Variants in CDR2 observed in about 807,000 individuals in gnomAD.
The protein encoded by CDR2 is cerebellar degeneration-related protein 2.
Under a neutral mutation model 48.4 loss-of-function variants are expected in CDR2, and 34 were observed. That is an observed-to-expected ratio of 0.70 (90% CI 0.53 to 0.94). The LOEUF (loss-of-function observed/expected upper bound fraction) is 0.94, where lower values mean the gene tolerates loss of function less well. CDR2 is among the 40% of genes least tolerant of loss of function. The pLI, the probability that CDR2 is intolerant of heterozygous loss-of-function variation, is 0.00. For synonymous variants in CDR2, 240 were observed against 219.7 expected (o/e 1.09, Z -0.82); for missense variants, 498 against 549.5 (o/e 0.91, Z 0.94).
intron 2 of CDR2, among the ~76,000 whole-genome samples, chr16:22,361,574 C>T (rs1567347788): frequency 6.6e-6 from 1 of 152,236 alleles, no homozygotes; most frequent in African/African-American, 2.4e-5. Flanking sequence ...CAAGGACAGT[C>T]TGTGGGAATC....
chr16:22,347,318 C>T lies in CDR2; in HGVS notation c.1012G>A (p.Val338Met). 2 of 1,614,260 alleles carry T rather than the reference C, an allele frequency of 1.2e-6. No individual in the cohort carries two copies. The highest frequency in any genetic ancestry group is 1.3e-5 in the African/African-American group (1 of 75,072). ...EETCIRRAKA[V>M]KQRGISLLHE... ...AGAAGGGAGATGCCCCTCTGTTTCACAGCCTTGGCCCTCCTGATGCAGGTC... is the reference window on the plus strand; with the variant it reads ...AGAAGGGAGATGCCCCTCTGTTTCATAGCCTTGGCCCTCCTGATGCAGGTC... Residue 338 changes from valine to methionine, a missense_variant, in exon 5 of 5, where the codon GTG (valine) becomes ATG (methionine). By Grantham distance (21) the Val-to-Met change is conservative (BLOSUM62 1). Transcript: ENST00000268383.
chr16:22,365,002 G>A lies in CDR2; in HGVS notation c.92C>T (p.Ala31Val), dbSNP rs2141851951. 1 of 1,607,162 alleles carries A rather than the reference G, an allele frequency of 6.2e-7. No individual in the cohort carries two copies. The change falls in exon 2 of 5, where the codon GCT becomes GTT. Residue 31 changes from alanine to valine, a missense_variant. Transcript: ENST00000268383. Reference sequence around the variant, plus strand: ...CAGTAATGTCTTCCCAAGCTCAGCAGCAAGTTGAAGATCTAGCACAACAAA... The same window carrying A: ...CAGTAATGTCTTCCCAAGCTCAGCAACAAGTTGAAGATCTAGCACAACAAA... ...HQDLQQDLQL[A>V]AELGKTLLDR...
chr16:22,347,278 G>C lies in CDR2; in HGVS notation c.1052C>G (p.Thr351Arg), dbSNP rs201093821. The C allele has an allele frequency of 1.3e-3, 2,136 of 1,614,204 alleles. 54 individuals carry two copies. In the South Asian group the frequency reaches 0.021, roughly 16 times the overall value. ...CTTCACCTTCAGGGCGCTGTACTGC[G>C]TGTCCACTTCGTGCAGAAGGGAGAT... ...RGISLLHEVD[T>R]QYSALKVKYE... is the part of the protein sequence containing the mutation. The change falls in exon 5 of 5, where the codon ACG becomes AGG. Residue 351 changes from threonine (T) to arginine (R), a missense_variant. Transcript: ENST00000268383.
At chr16:22,349,246 C>T in intron 4 of CDR2, 33 bp downstream of exon 4, 1 of 1,611,772 alleles carries the variant, frequency 6.2e-7, no homozygotes. Flanking sequence ...GAGACAGTCC[C>T]TGCTGTAACT....
At chr16:22,360,396 G>GT (rs553950245) in intron 2 of CDR2, among the ~76,000 whole-genome samples, 55 of 152,020 alleles carry the variant, frequency 3.6e-4, no homozygotes, top group Non-Finnish European at 7.2e-4. Flanking sequence ...GGAAATTTTT[G>GT]TTTTTTTCGT....
chr16:22,363,537 G>A (rs377212809), intron 2 of CDR2, among the ~76,000 whole-genome samples: 1 of 152,232 alleles, frequency 6.6e-6, no homozygotes, highest in African/African-American at 2.4e-5. Context: ...GAAGGACTGT[G>A]TAATTCTCCG....
chr16:22,372,656 TTTG>T (rs2049086152), intron 1 of CDR2, among the ~76,000 whole-genome samples: 1 of 152,084 alleles, frequency 6.6e-6, no homozygotes, highest in Non-Finnish European at 1.5e-5. Context: ...TGAAAACAGG[TTTG>T]TTAATATGTA....
chr16:22,359,325 C>A (rs1372766735), intron 2 of CDR2, among the ~76,000 whole-genome samples: 1 of 152,078 alleles, frequency 6.6e-6, no homozygotes, highest in Admixed American at 6.6e-5. Flanking sequence ...TGGGGTTTCG[C>A]CATCTTGGCC....
rs1166217152 is a variant in CDR2, at chr16:22,346,668, T to C, written c.*297A>G. 1 of 371,346 alleles carries C rather than the reference T, an allele frequency of 2.7e-6. No homozygotes were observed. The highest frequency in any genetic ancestry group is 4.9e-5 in the East Asian group (1 of 20,420). The allele number at this position is 371,346 out of a possible 1,614,324, so 23.0% of individuals were successfully genotyped here. A position where few individuals can be genotyped will look rare whatever the true frequency, so the allele number is the denominator to read the frequency against. ...CATACTGTAGTAACTCCAGGCCTAC[T>C]TCTCCAGAAGTATAGCTCTTCCCTC... On this transcript the variant is annotated 3_prime_UTR_variant, in exon 5 of 5. Transcript: ENST00000268383.
chr16:22,361,959 T>TGG lies in CDR2; in HGVS notation c.192+2941_192+2942dup, dbSNP rs574775620. On this transcript the variant is annotated intron_variant, in intron 2 of 4. Coordinates refer to ENST00000268383, the MANE Select transcript of CDR2 (RefSeq NM_001802.2). ...CTCTGTCACCCAGGCTGGAGTGCAG[T>TGG]GGCACGATCTCGGCTCACTGCAAGC... 2.5e-3 allele frequency among the ~76,000 whole-genome samples: 369 copies of TGG among 145,134 alleles called. 3 individuals are homozygous for TGG. Among genetic ancestry groups the TGG allele is most frequent in the Middle Eastern group, 0.019 (5 of 268 alleles).
chr16:22,349,607 A>G, intron 3 of CDR2, 94 bp downstream of exon 3: 1 of 1,436,644 alleles, frequency 7.0e-7, no homozygotes, highest in Non-Finnish European at 9.6e-7. Context: ...ACCTTATCCC[A>G]TATTGACCCA....
chr16:22,363,168 C>T (rs531466827), intron 2 of CDR2, among the ~76,000 whole-genome samples: 20 of 152,128 alleles, frequency 1.3e-4, no homozygotes, highest in Non-Finnish European at 2.9e-4. Context: ...TCTCGAACTC[C>T]TGACCTCAAG....
At chr16:22,357,463 C>T (rs1387567042) in intron 2 of CDR2, among the ~76,000 whole-genome samples, 1 of 152,216 alleles carries the variant, frequency 6.6e-6, no homozygotes, top group Non-Finnish European at 1.5e-5. Context: ...TTCTTCACAA[C>T]AGCTTATTGT....
chr16:22,361,690 G>A (rs1167273737), intron 2 of CDR2, among the ~76,000 whole-genome samples: 1 of 152,132 alleles, frequency 6.6e-6, no homozygotes, highest in Non-Finnish European at 1.5e-5. Flanking sequence ...AAAAAAGAAA[G>A]TCAACTGTAA....
At chr16:22,360,859 C>T (rs1020591043) in intron 2 of CDR2, among the ~76,000 whole-genome samples, 6 of 146,092 alleles carry the variant, frequency 4.1e-5, no homozygotes, top group Non-Finnish European at 8.9e-5. Flanking sequence ...AAGGGATTCT[C>T]CTGCCTCAGC....
At chr16:22,349,249 C>T (rs2048925997) in intron 4 of CDR2, 30 bp downstream of exon 4, 1 of 1,612,240 alleles carries the variant, frequency 6.2e-7, no homozygotes, top group African/African-American at 1.3e-5. Context: ...ACAGTCCCTG[C>T]TGTAACTCCA....
chr16:22,349,964 G>C, intron 2 of CDR2, 115 bp from the exon 3 acceptor site: 1 of 878,556 alleles, frequency 1.1e-6, no homozygotes, highest in South Asian at 1.6e-5. Context: ...CAAGACGTGT[G>C]GATCACCTGA....
chr16:22,348,736 A>C (rs1433786303), intron 4 of CDR2, among the ~76,000 whole-genome samples: 1 of 152,226 alleles, frequency 6.6e-6, no homozygotes, highest in Admixed American at 6.5e-5. Flanking sequence ...TCTCCTGCTC[A>C]GTCTGAAGCA....
intron 1 of CDR2, among the ~76,000 whole-genome samples, chr16:22,370,492 G>C (rs997073208): frequency 6.6e-6 from 1 of 152,096 alleles, no homozygotes; most frequent in Non-Finnish European, 1.5e-5. Flanking sequence ...ATAGCAGCTG[G>C]TTTAAAAGAA....
Sources: gnomAD v4.1 joint callset for allele counts (sites outside exome capture counted in the v4.1 genomes callset) on GRCh38, gnomAD v4.1.1 for gene constraint, MANE v1.5 for transcripts, NCBI Gene and HGNC (gene_info 2026-07-23, HGNC 2026-07-21) for gene names.